Variants in BCL2 observed in about 807,000 individuals in gnomAD.
BCL2 encodes BCL2 apoptosis regulator.
BCL2 carries 1 observed loss-of-function variant against 14.2 expected under a neutral mutation model. That is an observed-to-expected ratio of 0.07 (90% CI 0.02 to 0.33). The LOEUF (loss-of-function observed/expected upper bound fraction) is 0.33. Ranked by LOEUF, BCL2 falls within the 10% of genes least tolerant of loss-of-function variation. The pLI is 0.99. For synonymous variants in BCL2, 151 were observed against 137.2 expected, an observed-to-expected ratio of 1.10 and a Z score of -0.70; for missense variants, 247 against 305.9, an observed-to-expected ratio of 0.81 and a Z score of 1.44.
chr18:63,238,785 G>A (rs1345509229), intron 2 of BCL2, among the ~76,000 whole-genome samples: 2 of 152,196 alleles, frequency 1.3e-5, no homozygotes, highest in Non-Finnish European at 2.9e-5. Flanking sequence ...AGAGGGCTGG[G>A]TTCTCCTCTT....
chr18:63,204,575 A>G (rs1272455564), intron 2 of BCL2, among the ~76,000 whole-genome samples: 1 of 152,186 alleles, frequency 6.6e-6, no homozygotes, highest in Non-Finnish European at 1.5e-5. Context: ...AAGCAGCAGT[A>G]AAAAACCCTT....
intron 2 of BCL2, among the ~76,000 whole-genome samples, chr18:63,283,388 T>C (rs1369914428): frequency 6.6e-6 from 1 of 152,216 alleles, no homozygotes; most frequent in Non-Finnish European, 1.5e-5. Context: ...TTAATCTTCC[T>C]TGACAAAAAT....
intron 2 of BCL2, among the ~76,000 whole-genome samples, chr18:63,240,584 C>A (rs1910972864): frequency 6.6e-6 from 1 of 152,164 alleles, no homozygotes; most frequent in Non-Finnish European, 1.5e-5. Context: ...TTATAAAATT[C>A]CATGAAGGAA....
chr18:63,319,164 G>A lies in BCL2; in HGVS notation c.-287+10C>T, dbSNP rs1913614042. The stretch of plus-strand genomic sequence containing the variant: ...TTACATTAAACCAATTTCCTGTGCA[G>A]AGAACTTACTTGTATTTTTTAAGTA... On this transcript the variant is annotated intron_variant, in intron 1 of 2. Transcript: ENST00000333681. The A allele has an allele frequency of 3.0e-6, 2 of 665,990 alleles. No homozygotes were observed. Among genetic ancestry groups the A allele is most frequent in the African/African-American group, 3.8e-5 (2 of 53,060 alleles). 41.3% of individuals were successfully genotyped at this position (665,990 alleles called of 1,614,324 possible). A position where few individuals can be genotyped will look rare whatever the true frequency, so the allele number is the denominator to read the frequency against.
chr18:63,204,159 T>C (rs1421701409), intron 2 of BCL2, among the ~76,000 whole-genome samples: 1 of 152,234 alleles, frequency 6.6e-6, no homozygotes, highest in Non-Finnish European at 1.5e-5. Context: ...TACAAGATTA[T>C]CTATTGGAGC....
chr18:63,194,340 T>TTA lies in BCL2; in HGVS notation c.586-65582_586-65581insTA, dbSNP rs1272807504. Among the ~76,000 whole-genome samples the TTA allele has an allele frequency of 4.0e-5, 6 of 149,278 alleles. 1 individual carries two copies. Among genetic ancestry groups the TTA allele is most frequent in the Non-Finnish European group, 8.9e-5 (6 of 67,046 alleles). On this transcript the variant is annotated intron_variant, in intron 2 of 2. Coordinates refer to ENST00000333681, the MANE Select transcript of BCL2 (RefSeq NM_000633.3). ...GAGATACATTTTTAAACTTTTTTCT[T>TTA]TTTTTTTTTTTGAGATGGAGTCTCA...
rs1440745170 is a variant in BCL2 at position 63,127,480 on chromosome 18, C to T, written c.*1145G>A. On this transcript the variant is annotated 3_prime_UTR_variant, in exon 3 of 3. Coordinates refer to ENST00000333681, the MANE Select transcript of BCL2 (RefSeq NM_000633.3). ...CCTGGAGGGCCCCAGGGTGACAGGC[C>T]CAGCCACACCCCTCTACTGCTCTTT... 1.7e-5 allele frequency: 4 copies of T among 232,538 alleles called. No individual in the cohort carries two copies. In the East Asian group the frequency reaches 2.4e-4, roughly 14 times the overall value. 14.4% of individuals were successfully genotyped at this position (232,538 alleles called of 1,614,324 possible). A position where few individuals can be genotyped will look rare whatever the true frequency, so the allele number is the denominator to read the frequency against.
At chr18:63,129,728 A>T (rs1288141209) in intron 2 of BCL2, among the ~76,000 whole-genome samples, 1 of 152,228 alleles carries the variant, frequency 6.6e-6, no homozygotes, top group East Asian at 1.9e-4. Context: ...CTCTCTGCTG[A>T]TGCCCTGGCG....
At chr18:63,316,032 T>C (rs1214552794) in intron 2 of BCL2, 1 of 152,644 alleles carries the variant, frequency 6.6e-6, no homozygotes, top group Non-Finnish European at 1.5e-5. Context: ...GGTATGTCAT[T>C]GTGGTTTGGC....
intron 2 of BCL2, among the ~76,000 whole-genome samples, chr18:63,157,072 G>T: frequency 6.6e-6 from 1 of 152,204 alleles, no homozygotes; most frequent in East Asian, 1.9e-4. Flanking sequence ...AAACAATTAA[G>T]TTAATTGTGG....
At chr18:63,241,179 G>A (rs548150180) in intron 2 of BCL2, among the ~76,000 whole-genome samples, 3 of 152,332 alleles carry the variant, frequency 2.0e-5, no homozygotes, top group Non-Finnish European at 2.9e-5. Context: ...TCTAACTCCC[G>A]GTCTTTGGTG....
intron 2 of BCL2, among the ~76,000 whole-genome samples, chr18:63,246,785 ACACTGTGTC>A (rs1177019225): frequency 6.6e-6 from 1 of 152,176 alleles, no homozygotes; most frequent in East Asian, 1.9e-4. Context: ...CCCTTTGCTC[ACACTGTGTC>A]CCCAGCACCT....
intron 2 of BCL2, among the ~76,000 whole-genome samples, chr18:63,249,685 G>A (rs1911249658): frequency 1.4e-5 from 2 of 138,988 alleles, no homozygotes; most frequent in Non-Finnish European, 3.0e-5. Context: ...ACTCCAGCCT[G>A]GGTGACAGAG....
upstream of BCL2, chr18:63,320,090 C>CGGCG (rs943188000): frequency 1.4e-4 from 21 of 146,558 alleles, no homozygotes; most frequent in South Asian, 5.5e-4. Context: ...GGCGGGAGCG[C>CGGCG]GGCGGGCGGG....
At chr18:63,257,983 T>G (rs527761220) in intron 2 of BCL2, among the ~76,000 whole-genome samples, 1 of 152,218 alleles carries the variant, frequency 6.6e-6, no homozygotes, top group East Asian at 1.9e-4. Flanking sequence ...TACCTGTAAA[T>G]GTGACTTAAT....
intron 2 of BCL2, among the ~76,000 whole-genome samples, chr18:63,157,779 C>T (rs1362486196): frequency 6.6e-6 from 1 of 152,158 alleles, no homozygotes; most frequent in East Asian, 1.9e-4. Flanking sequence ...GGCCCATGTG[C>T]ACCACTGCTC....
intron 2 of BCL2, among the ~76,000 whole-genome samples, chr18:63,173,447 A>C (rs62100185): frequency 1.3e-5 from 2 of 152,188 alleles, no homozygotes; most frequent in African/African-American, 4.8e-5. Context: ...AGAGACATTT[A>C]GACTAAAATA....
chr18:63,278,334 G>A lies in BCL2; in HGVS notation c.585+39748C>T, dbSNP rs150498306. Among the ~76,000 whole-genome samples, 579 of 152,338 alleles carry A rather than the reference G, an allele frequency of 3.8e-3. 2 individuals carry two copies. Among genetic ancestry groups the A allele is most frequent in the Non-Finnish European group, 5.1e-3 (346 of 68,028 alleles). On this transcript the variant is annotated intron_variant, in intron 2 of 2. Coordinates refer to ENST00000333681, the MANE Select transcript of BCL2 (RefSeq NM_000633.3). The stretch of plus-strand genomic sequence containing the variant: ...TCATATTCTACAGGATATTGACAAA[G>A]ACTCTCCTAGATCAAACTCAGGTCG...
At chr18:63,156,043 G>A (rs901064046) in intron 2 of BCL2, among the ~76,000 whole-genome samples, 1 of 134,884 alleles carries the variant, frequency 7.4e-6, no homozygotes, top group Non-Finnish European at 1.5e-5. Flanking sequence ...GATCATTTTA[G>A]CCCTGAGTGT....
Sources: gnomAD v4.1 joint callset for allele counts (sites outside exome capture counted in the v4.1 genomes callset) on GRCh38, gnomAD v4.1.1 for gene constraint, MANE v1.5 for transcripts, NCBI Gene and HGNC (gene_info 2026-07-23, HGNC 2026-07-21) for gene names.